The following PARD3 variants were observed in gnomAD, a reference collection of about 807,000 sequenced individuals.
PARD3 encodes the protein partitioning defective 3 homolog.
A neutral mutation model predicts 155.4 loss-of-function variants in PARD3; 75 were observed. The observed-to-expected ratio is 0.48, with a 90% CI of 0.40 to 0.58. PARD3 has a LOEUF of 0.58. Among genes scored for constraint, PARD3 ranks in the 20% least tolerant of loss-of-function variants. The probability of loss-of-function intolerance (pLI) is 0.00; values close to 1 mark genes in which losing one functional copy is unlikely to be tolerated. For synonymous variants in PARD3, 576 were observed against 610.5 expected (o/e 0.94, Z 0.83); for missense variants, 1,642 against 1,721.7 (o/e 0.95, Z 0.82).
chr10:34,156,687 G>A (rs1949020959), intron 22 of PARD3, among the ~76,000 whole-genome samples: 1 of 152,116 alleles, frequency 6.6e-6, no homozygotes, highest in Non-Finnish European at 1.5e-5. Context: ...CACTAAGAGC[G>A]CGGCTGCTGG....
chr10:34,176,881 G>C (rs1002734607), intron 22 of PARD3, among the ~76,000 whole-genome samples: 1 of 152,156 alleles, frequency 6.6e-6, no homozygotes, highest in African/African-American at 2.4e-5. Flanking sequence ...TCAATGGAAA[G>C]TGATTTGTAA....
chr10:34,271,053 G>A (rs2133862984), intron 21 of PARD3, among the ~76,000 whole-genome samples: 1 of 152,130 alleles, frequency 6.6e-6, no homozygotes, highest in East Asian at 1.9e-4. Context: ...ACAAATTTAA[G>A]TACACACTTA....
chr10:34,358,805 C>G (rs1469323080), intron 14 of PARD3, among the ~76,000 whole-genome samples: 1 of 152,198 alleles, frequency 6.6e-6, no homozygotes, highest in Non-Finnish European at 1.5e-5. Flanking sequence ...TGATTCACCT[C>G]CCAGGTATAA....
intron 19 of PARD3, among the ~76,000 whole-genome samples, chr10:34,319,431 G>A (rs1342617470): frequency 6.6e-6 from 1 of 151,680 alleles, no homozygotes; most frequent in East Asian, 1.9e-4. Flanking sequence ...TGAACTGCGA[G>A]TTATCTCATT....
chr10:34,570,327 T>C (rs868761620), intron 2 of PARD3, among the ~76,000 whole-genome samples: 7 of 152,222 alleles, frequency 4.6e-5, no homozygotes, highest in Non-Finnish European at 8.8e-5. Context: ...TTTGTTTCCA[T>C]TGAGAATTCT....
At chr10:34,407,145 C>T (rs1163082464) in intron 5 of PARD3, among the ~76,000 whole-genome samples, 1 of 152,146 alleles carries the variant, frequency 6.6e-6, no homozygotes, top group African/African-American at 2.4e-5. Flanking sequence ...AGAGGCTGTT[C>T]ATTTTTATGA....
rs1220247831 is a variant in PARD3 at position 34,355,943 on chromosome 10, A to C, written c.2067+3204T>G. On this transcript the variant is annotated intron_variant, in intron 14 of 24. Transcript: ENST00000374788. ...CCGTCTCAAAAAAAAAAAAAAAAAA[A>C]AAACAAAACAAAACCAAACAAAAAA... Among the ~76,000 whole-genome samples the C allele has an allele frequency of 7.7e-4, 91 of 118,202 alleles. 1 individual carries two copies. Among genetic ancestry groups the C allele is most frequent in the African/African-American group, 2.8e-3 (75 of 26,952 alleles). 77.5% of individuals were successfully genotyped at this position (118,202 alleles called of 152,430 possible). A position where few individuals can be genotyped will look rare whatever the true frequency, so the allele number is the denominator to read the frequency against.
At chr10:34,312,417 T>C (rs760885171) in intron 20 of PARD3, 25 of 1,610,038 alleles carry the variant, frequency 1.6e-5, no homozygotes, top group Middle Eastern at 1.6e-4. Flanking sequence ...ACACAGTTAG[T>C]ACAGGTGAGG....
chr10:34,352,518 G>A (rs1033752724), intron 14 of PARD3, among the ~76,000 whole-genome samples: 1 of 152,204 alleles, frequency 6.6e-6, no homozygotes, highest in Non-Finnish European at 1.5e-5. Context: ...ACTGGTTTTT[G>A]TATTTTTTGG....
chr10:34,411,314 C>T (rs922850621), intron 5 of PARD3, among the ~76,000 whole-genome samples: 8 of 152,130 alleles, frequency 5.3e-5, no homozygotes, highest in East Asian at 1.9e-4. Context: ...GTCAACTTGA[C>T]GGGGTCCCAT....
chr10:34,170,683 C>T (rs2133113632), intron 22 of PARD3, among the ~76,000 whole-genome samples: 1 of 152,160 alleles, frequency 6.6e-6, no homozygotes, highest in Non-Finnish European at 1.5e-5. Context: ...GGGAGAAAAG[C>T]CATCTTTCTA....
intron 19 of PARD3, among the ~76,000 whole-genome samples, chr10:34,329,713 G>A (rs1030956568): frequency 1.3e-5 from 2 of 152,052 alleles, no homozygotes; most frequent in Non-Finnish European, 2.9e-5. Flanking sequence ...ACTGGGCCTG[G>A]AAAGGCCCAG....
chr10:34,654,574 T>C (rs1771885133), intron 2 of PARD3, among the ~76,000 whole-genome samples: 1 of 152,176 alleles, frequency 6.6e-6, no homozygotes. Flanking sequence ...CCACAAAAAC[T>C]CCTGCATTGC....
chr10:34,216,994 T>C (rs1952032897), intron 22 of PARD3, among the ~76,000 whole-genome samples: 1 of 152,228 alleles, frequency 6.6e-6, no homozygotes, highest in Admixed American at 6.5e-5. Context: ...ATTTGTCTCT[T>C]TAACTATATT....
At chr10:34,628,066 G>A (rs973817889) in intron 2 of PARD3, among the ~76,000 whole-genome samples, 1 of 152,166 alleles carries the variant, frequency 6.6e-6, no homozygotes, top group Non-Finnish European at 1.5e-5. Context: ...GCACAGCCAT[G>A]ATGAAGGAAC....
intron 15 of PARD3, among the ~76,000 whole-genome samples, chr10:34,343,087 A>G (rs538485429): frequency 6.6e-6 from 1 of 152,324 alleles, no homozygotes; most frequent in East Asian, 1.9e-4. Flanking sequence ...TCATTCATCA[A>G]TAAGGTGGGA....
At chr10:34,414,861 G>A (rs1199647733) in intron 5 of PARD3, among the ~76,000 whole-genome samples, 1 of 151,914 alleles carries the variant, frequency 6.6e-6, no homozygotes, top group Non-Finnish European at 1.5e-5. Context: ...CACTAAGTAA[G>A]TACTGGGAAA....
At chr10:34,386,630 C>T (rs752841067) in intron 7 of PARD3, among the ~76,000 whole-genome samples, 1 of 152,034 alleles carries the variant, frequency 6.6e-6, no homozygotes, top group Non-Finnish European at 1.5e-5. Flanking sequence ...CAATACCAGA[C>T]TGACCAATAT....
At chr10:34,148,106 A>G (rs1295170823) in intron 22 of PARD3, among the ~76,000 whole-genome samples, 1 of 152,196 alleles carries the variant, frequency 6.6e-6, no homozygotes, top group African/African-American at 2.4e-5. Flanking sequence ...CAGAATGAAT[A>G]GAGAGAGATA....
Sources: gnomAD v4.1 joint callset for allele counts (sites outside exome capture counted in the v4.1 genomes callset) on GRCh38, gnomAD v4.1.1 for gene constraint, MANE v1.5 for transcripts, NCBI Gene and HGNC (gene_info 2026-07-23, HGNC 2026-07-21) for gene names.